The following VAV3 variants were observed in gnomAD, a reference collection of about 807,000 sequenced individuals.
VAV3 encodes guanine nucleotide exchange factor VAV3.
In VAV3, 94 loss-of-function variants were observed where a neutral mutation model predicts 131.2. The observed-to-expected ratio is 0.72, with a 90% confidence interval of 0.61 to 0.85. The LOEUF (loss-of-function observed/expected upper bound fraction) is 0.85, where lower values mean the gene tolerates loss of function less well. Among genes scored for constraint, VAV3 ranks in the 40% least tolerant of loss-of-function variants. The probability of loss-of-function intolerance (pLI) is 0.00; values close to 1 mark genes in which losing one functional copy is unlikely to be tolerated. For synonymous variants in VAV3, 349 were observed against 342.0 expected (o/e 1.02, Z -0.22); for missense variants, 939 against 1,002.7 (o/e 0.94, Z 0.86).
At chr1:107,735,751 G>A (rs1260739221) in intron 15 of VAV3, among the ~76,000 whole-genome samples, 7 of 152,104 alleles carry the variant, frequency 4.6e-5, no homozygotes, top group Admixed American at 4.6e-4. Context: ...AGACCAGACG[G>A]ATTCACAACC....
intron 15 of VAV3, among the ~76,000 whole-genome samples, chr1:107,707,782 C>T (rs1238797990): frequency 6.6e-6 from 1 of 152,170 alleles, no homozygotes; most frequent in Non-Finnish European, 1.5e-5. Flanking sequence ...CATACATGGT[C>T]CGTGGCCTGT....
chr1:107,658,195 G>C (rs1020889314), intron 19 of VAV3, among the ~76,000 whole-genome samples: 1 of 152,078 alleles, frequency 6.6e-6, no homozygotes, highest in Non-Finnish European at 1.5e-5. Flanking sequence ...GAGAACATGC[G>C]GTGTTTGGTT....
intron 1 of VAV3, among the ~76,000 whole-genome samples, chr1:107,878,526 T>TG (rs1416438450): frequency 6.6e-6 from 1 of 152,232 alleles, no homozygotes; most frequent in Non-Finnish European, 1.5e-5. Flanking sequence ...TGCATTTGTT[T>TG]GGTTGTTTCT....
At chr1:107,582,088 C>A (rs1031619214) in intron 25 of VAV3, among the ~76,000 whole-genome samples, 1 of 152,182 alleles carries the variant, frequency 6.6e-6, no homozygotes, top group African/African-American at 2.4e-5. Context: ...ACTGTCAACA[C>A]TGATCACTTG....
At chr1:107,642,058 G>T (rs1655380974) in intron 20 of VAV3, among the ~76,000 whole-genome samples, 1 of 152,108 alleles carries the variant, frequency 6.6e-6, no homozygotes, top group Non-Finnish European at 1.5e-5. Context: ...CTAACAAACT[G>T]TAATTCGGAT....
intron 15 of VAV3, among the ~76,000 whole-genome samples, chr1:107,740,281 C>T (rs1441800004): frequency 7.1e-6 from 1 of 139,934 alleles, no homozygotes; most frequent in Non-Finnish European, 1.5e-5. Context: ...AGCAAGACTC[C>T]ATCTCAAAAA....
intron 2 of VAV3, among the ~76,000 whole-genome samples, chr1:107,856,333 T>C (rs937451635): frequency 6.6e-6 from 1 of 152,188 alleles, no homozygotes; most frequent in Non-Finnish European, 1.5e-5. Context: ...ATATTCTTAG[T>C]AGTTGGGAGC....
At chr1:107,871,392 CT>C (rs2101010857) in intron 2 of VAV3, among the ~76,000 whole-genome samples, 1 of 150,192 alleles carries the variant, frequency 6.7e-6, no homozygotes, top group South Asian at 2.1e-4. Flanking sequence ...CTTTCAGGAG[CT>C]TTTTTCAGTA....
At chr1:107,578,028 C>T (rs1232085027) in intron 25 of VAV3, among the ~76,000 whole-genome samples, 1 of 152,102 alleles carries the variant, frequency 6.6e-6, no homozygotes, top group Non-Finnish European at 1.5e-5. Context: ...AGAATTCTTC[C>T]AAAGTTAATA....
intron 2 of VAV3, among the ~76,000 whole-genome samples, chr1:107,858,400 T>A (rs990686999): frequency 6.6e-6 from 1 of 152,170 alleles, no homozygotes; most frequent in Admixed American, 6.5e-5. Context: ...TAAGAAAAAT[T>A]TAAGTCAGAT....
At chr1:107,932,891 G>A (rs1043073187) in intron 1 of VAV3, among the ~76,000 whole-genome samples, 2 of 152,178 alleles carry the variant, frequency 1.3e-5, no homozygotes, top group African/African-American at 4.8e-5. Context: ...AACTAGTTCT[G>A]CCAACATCTT....
intron 2 of VAV3, among the ~76,000 whole-genome samples, chr1:107,829,871 A>G (rs935152781): frequency 7.9e-5 from 12 of 152,296 alleles, no homozygotes; most frequent in Non-Finnish European, 1.8e-4. Flanking sequence ...AGCCTTTCAT[A>G]CATCCCTTTG....
chr1:107,676,138 CCT>C (rs778371336), intron 19 of VAV3, among the ~76,000 whole-genome samples: 2 of 152,206 alleles, frequency 1.3e-5, no homozygotes, highest in Admixed American at 6.5e-5. Context: ...GCCTCTCTTT[CCT>C]CTCTCTTATT....
At chr1:107,946,256 G>A (rs1026296725) in intron 1 of VAV3, among the ~76,000 whole-genome samples, 2 of 152,194 alleles carry the variant, frequency 1.3e-5, no homozygotes, top group Admixed American at 6.5e-5. Context: ...TGAAGGCTGA[G>A]CACTATAAAC....
intron 19 of VAV3, among the ~76,000 whole-genome samples, chr1:107,681,226 T>C (rs1378452052): frequency 2.0e-5 from 3 of 151,994 alleles, no homozygotes; most frequent in Non-Finnish European, 2.9e-5. Flanking sequence ...AGATGTTAAG[T>C]AAATTAACTG....
rs1558063828 is a variant in VAV3 at position 107,581,593 on chromosome 1, T to C, written c.2351-7395A>G. Among the ~76,000 whole-genome samples the C allele has an allele frequency of 2.6e-5, 4 of 152,234 alleles. No individual in the cohort carries two copies. The South Asian group carries it at 8.3e-4, about 32-fold the overall frequency. ...CTGGCAAATCATTAGTGGTTATTAT[T>C]CAGTTCTGAGACCTGACTGAGAAGA... On this transcript the variant is annotated intron_variant, in intron 25 of 26. Transcript: ENST00000370056.
chr1:107,851,311 T>C (rs528123338), intron 2 of VAV3, among the ~76,000 whole-genome samples: 2 of 151,084 alleles, frequency 1.3e-5, no homozygotes, highest in South Asian at 2.1e-4. Context: ...CTTAAACAAA[T>C]GTGTTATAAA....
chr1:107,597,442 A>C (rs974793508), intron 24 of VAV3, among the ~76,000 whole-genome samples: 1 of 152,230 alleles, frequency 6.6e-6, no homozygotes, highest in Non-Finnish European at 1.5e-5. Context: ...GGAGCTTCAG[A>C]GGTCACAGAG....
intron 1 of VAV3, among the ~76,000 whole-genome samples, chr1:107,953,453 T>C (rs1038655680): frequency 6.6e-6 from 1 of 152,172 alleles, no homozygotes; most frequent in African/African-American, 2.4e-5. Flanking sequence ...CCAGGGTCAG[T>C]GTTGTTAAGT....
Sources: allele counts gnomAD v4.1 joint callset (sites outside exome capture counted in the v4.1 genomes callset), GRCh38; gene constraint gnomAD v4.1.1; transcripts MANE v1.5; gene names NCBI Gene and HGNC (gene_info 2026-07-23, HGNC 2026-07-21).